Variants in NYAP2 observed in about 807,000 individuals in gnomAD.
NYAP2 encodes the protein neuronal tyrosine-phosphorylated phosphoinositide-3-kinase adaptor 2.
Under a neutral mutation model 50.4 loss-of-function variants are expected in NYAP2, and 23 were observed. The observed-to-expected ratio is 0.46, with a 90% CI of 0.33 to 0.65. The LOEUF is 0.65. Among genes scored for constraint, NYAP2 ranks in the 30% least tolerant of loss-of-function variants. NYAP2 has a pLI of 0.02. For synonymous variants in NYAP2, 394 were observed against 365.2 expected (o/e 1.08, Z -0.90); for missense variants, 885 against 861.0 (o/e 1.03, Z -0.35).
At chr2:225,570,805 A>T (rs990320473) in intron 4 of NYAP2, among the ~76,000 whole-genome samples, 2 of 152,200 alleles carry the variant, frequency 1.3e-5, no homozygotes, top group South Asian at 4.1e-4. Context: ...AGTCCCCCAA[A>T]GTCTTAACTC....
At chr2:225,467,122 T>G (rs1343939637) in intron 3 of NYAP2, among the ~76,000 whole-genome samples, 1 of 152,144 alleles carries the variant, frequency 6.6e-6, no homozygotes, top group Non-Finnish European at 1.5e-5. Flanking sequence ...CTGTCAGTGC[T>G]TGGGAGGAGA....
intron 5 of NYAP2, among the ~76,000 whole-genome samples, chr2:225,622,490 C>A (rs1693122311): frequency 7.3e-6 from 1 of 136,514 alleles, no homozygotes; most frequent in Non-Finnish European, 1.6e-5. Flanking sequence ...GGACATTAAC[C>A]AATTTTATTT....
chr2:225,591,645 A>G (rs1245562392), intron 5 of NYAP2, among the ~76,000 whole-genome samples: 2 of 152,146 alleles, frequency 1.3e-5, no homozygotes, highest in African/African-American at 4.8e-5. Flanking sequence ...CGTTTTAAAG[A>G]TGGAAGAAAC....
At chr2:225,538,333 G>A (rs539887847) in intron 4 of NYAP2, among the ~76,000 whole-genome samples, 6 of 152,296 alleles carry the variant, frequency 3.9e-5, no homozygotes, top group South Asian at 2.1e-4. Context: ...TCAAACTTCT[G>A]TCTGGATATC....
chr2:225,524,277 T>G lies in NYAP2; in HGVS notation c.523+10605T>G, dbSNP rs567919884. 3.3e-5 allele frequency among the ~76,000 whole-genome samples: 5 copies of G among 152,228 alleles called. No individual in the cohort carries two copies. The East Asian group carries it at 9.7e-4, about 29-fold the overall frequency. Reference sequence around the variant, plus strand: ...CAAAGAGTCTAAAAGTGGAAGAACTTGGAGTCTGATGTTCAAGAGCAGAAA... The same window carrying G: ...CAAAGAGTCTAAAAGTGGAAGAACTGGGAGTCTGATGTTCAAGAGCAGAAA... On this transcript the variant is annotated intron_variant, in intron 4 of 6. Coordinates refer to ENST00000636099, the Ensembl canonical transcript of NYAP2.
chr2:225,580,766 TA>T (rs895245214), intron 4 of NYAP2, among the ~76,000 whole-genome samples: 464 of 142,434 alleles, frequency 3.3e-3, no homozygotes, highest in Middle Eastern at 3.5e-3. Context: ...TTAGGCCAGT[TA>T]AAAAAAAAAA....
At chr2:225,665,548 G>A in the NYAP2 span, among the ~76,000 whole-genome samples, 1 of 150,380 alleles carries the variant, frequency 6.6e-6, no homozygotes. Flanking sequence ...CCAGGAGAGG[G>A]CAGCACACCA....
At chr2:225,526,812 T>C (rs1189837005) in intron 4 of NYAP2, among the ~76,000 whole-genome samples, 2 of 152,210 alleles carry the variant, frequency 1.3e-5, no homozygotes, top group African/African-American at 2.4e-5. Flanking sequence ...AGTGTTCTAA[T>C]GTGTATTCTT....
intron 6 of NYAP2, among the ~76,000 whole-genome samples, chr2:225,628,308 A>C (rs1242806135): frequency 6.0e-5 from 9 of 151,122 alleles, no homozygotes; most frequent in Admixed American, 5.3e-4. Context: ...AACATAGAGA[A>C]CACATAGTTT....
intron 6 of NYAP2, among the ~76,000 whole-genome samples, chr2:225,639,843 G>A (rs1176327970): frequency 6.6e-6 from 1 of 152,114 alleles, no homozygotes; most frequent in Non-Finnish European, 1.5e-5. Flanking sequence ...GTGTTTCAAC[G>A]CATCCTAATA....
intron 4 of NYAP2, among the ~76,000 whole-genome samples, chr2:225,559,208 G>C (rs1421074849): frequency 6.6e-6 from 1 of 152,024 alleles, no homozygotes; most frequent in Non-Finnish European, 1.5e-5. Context: ...TCTTGTCTTT[G>C]ATATTGTGCT....
At chr2:225,614,027 A>T (rs188004045) in intron 5 of NYAP2, among the ~76,000 whole-genome samples, 1 of 152,288 alleles carries the variant, frequency 6.6e-6, no homozygotes, top group Admixed American at 6.5e-5. Context: ...AAGTTTAGAC[A>T]TAGGAAAATT....
chr2:225,414,615 C>A (rs1695094069), intron 3 of NYAP2, among the ~76,000 whole-genome samples: 1 of 152,076 alleles, frequency 6.6e-6, no homozygotes, highest in Admixed American at 6.5e-5. Flanking sequence ...GGCAAGTGAC[C>A]AACGAGAACA....
intron 6 of NYAP2, among the ~76,000 whole-genome samples, chr2:225,646,853 A>T (rs1693643572): frequency 6.6e-6 from 1 of 152,008 alleles, no homozygotes; most frequent in African/African-American, 2.4e-5. Context: ...CCTAGACATG[A>T]TCTGGACTGG....
At chr2:225,617,792 G>A (rs1041324582) in intron 5 of NYAP2, among the ~76,000 whole-genome samples, 1 of 152,156 alleles carries the variant, frequency 6.6e-6, no homozygotes, top group Admixed American at 6.5e-5. Flanking sequence ...GCTATGCATG[G>A]CCCATCTGCA....
intron 3 of NYAP2, among the ~76,000 whole-genome samples, chr2:225,506,334 G>A (rs1690706412): frequency 6.6e-6 from 1 of 152,160 alleles, no homozygotes; most frequent in Admixed American, 6.5e-5. Flanking sequence ...CAATGGGGCT[G>A]GGGAGAGCGT....
At chr2:225,524,603 A>G (rs1218207378) in intron 4 of NYAP2, among the ~76,000 whole-genome samples, 1 of 152,194 alleles carries the variant, frequency 6.6e-6, no homozygotes. Flanking sequence ...TCAACTCAAG[A>G]AGGATTAAAG....
At chr2:225,681,627 C>T in the NYAP2 span, among the ~76,000 whole-genome samples, 3 of 152,156 alleles carry the variant, frequency 2.0e-5, no homozygotes, top group African/African-American at 7.2e-5. Context: ...AAAATGAGCA[C>T]TTTTGGTCAC....
chr2:225,621,092 C>T (rs926011122), intron 5 of NYAP2, among the ~76,000 whole-genome samples: 20 of 135,052 alleles, frequency 1.5e-4, no homozygotes, highest in African/African-American at 4.9e-4. Context: ...CCAGCCTGGG[C>T]GACCAGCGAG....
Sources: allele counts gnomAD v4.1 joint callset (sites outside exome capture counted in the v4.1 genomes callset), GRCh38; gene constraint gnomAD v4.1.1; transcripts MANE v1.5; gene names NCBI Gene and HGNC (gene_info 2026-07-23, HGNC 2026-07-21).